The following DDX11 variants were observed in gnomAD, a reference collection of about 807,000 sequenced individuals.
DDX11 encodes DEAD/H-box helicase 11.
DDX11 carries 72 observed loss-of-function variants against 125.2 expected under a neutral mutation model. The observed-to-expected ratio is 0.58, with a 90% confidence interval of 0.48 to 0.70. The LOEUF is 0.70. DDX11 is among the 30% of genes least tolerant of loss of function. The pLI is 0.00. For synonymous variants in DDX11, 347 were observed against 452.6 expected, an observed-to-expected ratio of 0.77 and a Z score of 2.96; for missense variants, 883 against 1,165.0, an observed-to-expected ratio of 0.76 and a Z score of 3.52.
At position 31,089,506 on chromosome 12, in the gene DDX11, A is replaced by G. The variant is rs2075318; in HGVS notation, c.880+16A>G. 0.48 allele frequency: 759,196 copies of G among 1,590,616 alleles called. 187,018 individuals are homozygous for G. Among genetic ancestry groups the G allele is most frequent in the East Asian group, 0.8 (35,658 of 44,562 alleles). On this transcript the variant is annotated intron_variant, in intron 8 of 26. Transcript: ENST00000542838. Reference sequence around the variant, plus strand: ...AGCAGGCACGGTAGCCACTGGGACCATGGTGTAGCCGCAGGTGGTCTGGAG... The same window carrying G: ...AGCAGGCACGGTAGCCACTGGGACCGTGGTGTAGCCGCAGGTGGTCTGGAG...
chr12:31,092,287 C>G (rs1394208751), intron 10 of DDX11, among the ~76,000 whole-genome samples: 1 of 152,028 alleles, frequency 6.6e-6, no homozygotes, highest in South Asian at 2.1e-4. Context: ...ATGCATGGCA[C>G]CAGGTGTCTC....
rs1943452705 is a variant in DDX11 at position 31,087,935 on chromosome 12, C to G, written c.639-3C>G. On this transcript the variant is annotated splice_region_variant and splice_polypyrimidine_tract_variant and intron_variant, in intron 5 of 26. Transcript: ENST00000542838. ...TGTTTTCTGTTCTCTCTCACACACA[C>G]AGAGTGGATGAGGATGAGGATGACC... 6.2e-7 allele frequency: 1 copy of G among 1,609,114 alleles called. No individual in the cohort carries two copies. The highest frequency in any genetic ancestry group is 8.5e-7 in the Non-Finnish European group (1 of 1,178,148).
rs373854588 is a variant in DDX11 at position 31,092,016 on chromosome 12, G to A, written c.1242+145G>A. ...AGTCAAGGCGGTGACCTCATCGGAG[G>A]CTGACCATGGCTTTCCAGTGCATCG... On this transcript the variant is annotated intron_variant, in intron 10 of 26. Transcript: ENST00000542838. 10 of 1,119,856 alleles carry A rather than the reference G, an allele frequency of 8.9e-6. No homozygotes were observed. In the African/African-American group the frequency reaches 1.1e-4, roughly 12 times the overall value. The allele number at this position is 1,119,856 out of a possible 1,614,324, so 69.4% of individuals were successfully genotyped here. A position where few individuals can be genotyped will look rare whatever the true frequency, so the allele number is the denominator to read the frequency against.
intron 23 of DDX11, 144 bp downstream of exon 23, chr12:31,102,671 G>T (rs1200881105): frequency 4.0e-6 from 3 of 744,558 alleles, no homozygotes; most frequent in South Asian, 3.2e-5. Context: ...GGAGGGAGGG[G>T]CTCAGCAGCT....
chr12:31,098,264 A>G lies in DDX11; in HGVS notation c.1875+267A>G, dbSNP rs553380995. 3.9e-5 allele frequency among the ~76,000 whole-genome samples: 6 copies of G among 152,380 alleles called. No homozygotes were observed. The East Asian group carries it at 1.2e-3, about 29-fold the overall frequency. ...CCAGAGAAAGCTGTTCTGTGGTTTC[A>G]AACTCAAGGAAAAAAATCATGATTC... On this transcript the variant is annotated intron_variant, in intron 18 of 26. Coordinates refer to ENST00000542838, the MANE Select transcript of DDX11 (RefSeq NM_030653.4).
At chr12:31,077,859 A>G (rs200220586) in intron 1 of DDX11, 103,829 of 197,376 alleles carry the variant, frequency 0.53, 29,567 homozygotes, top group East Asian at 0.83. Flanking sequence ...AAAAAAAAAA[A>G]AAGATAGGGA....
rs1300639331 is a variant in DDX11 at position 31,099,852 on chromosome 12, C to G, written c.1876-783C>G. 3.9e-5 allele frequency among the ~76,000 whole-genome samples: 6 copies of G among 152,082 alleles called. No homozygotes were observed. The South Asian group carries it at 1.2e-3, about 32-fold the overall frequency. ...CCCTTTCCAGCCCATTCCCCACCCC[C>G]ATAGGGAATCCGTTTTACTAGCTTA... is the stretch of plus-strand genomic sequence containing the variant. On this transcript the variant is annotated intron_variant, in intron 18 of 26. Coordinates refer to ENST00000542838, the MANE Select transcript of DDX11 (RefSeq NM_030653.4).
Position 31,093,720 on chromosome 12 carries a change from C to CAAA in DDX11, c.1369+418_1369+420dup, listed in dbSNP as rs71052461. 5.1e-3 allele frequency: 281 copies of CAAA among 55,078 alleles called. 3 individuals carry two copies. The highest frequency in any genetic ancestry group is 0.017 in the East Asian group (23 of 1,388). 3.4% of individuals were successfully genotyped at this position (55,078 alleles called of 1,614,324 possible). ...TGGGCGACAGAGTGAGAATCAGTCTCAAAAAAAAAAAAAAAAAAAAAAAAG... is the reference window on the plus strand; with the variant it reads ...TGGGCGACAGAGTGAGAATCAGTCTCAAAAAAAAAAAAAAAAAAAAAAAAAAAG... On this transcript the variant is annotated intron_variant, in intron 12 of 26. Coordinates refer to ENST00000542838, the MANE Select transcript of DDX11 (RefSeq NM_030653.4).
At chr12:31,091,984 G>A in intron 10 of DDX11, 113 bp downstream of exon 10, 1 of 1,484,668 alleles carries the variant, frequency 6.7e-7, no homozygotes, top group South Asian at 1.2e-5. Flanking sequence ...TTGATAGAGG[G>A]TGCACGAGTC....
In DDX11 at chr12:31,093,394, C is replaced by G. The variant is rs566281348; in HGVS notation, c.1369+70C>G. 100 of 1,589,228 alleles carry G rather than the reference C, an allele frequency of 6.3e-5. No individual in the cohort carries two copies. In the African/African-American group the frequency reaches 1.3e-3, roughly 20 times the overall value. ...CTGGGCTGCTTTTTCCTTGGATGCC[C>G]ATCAGGACACCTCAGTTCTCTGTGT... On this transcript the variant is annotated intron_variant, in intron 12 of 26. Coordinates refer to ENST00000542838, the MANE Select transcript of DDX11 (RefSeq NM_030653.4).
In DDX11 at chr12:31,102,287, G is replaced by T; in HGVS notation, c.2247G>T (p.Leu749=). The T allele has an allele frequency of 6.2e-7, 1 of 1,614,220 alleles. No individual in the cohort carries two copies. Among genetic ancestry groups the T allele is most frequent in the East Asian group, 2.2e-5 (1 of 44,884 alleles). The part of the protein sequence containing the change: ...PKSAHQVEQV[L]LAYSRCIQAC... ...GCGCACACCAGGTGGAGCAGGTGCT[G>T]CTGGCATATTCCAGGTGCATCCAGG... The change falls in exon 22 of 27, where the codon CTG becomes CTT. Residue 749 remains leucine, a synonymous_variant. Coordinates refer to ENST00000542838, the MANE Select transcript of DDX11 (RefSeq NM_030653.4).
intron 1 of DDX11, among the ~76,000 whole-genome samples, chr12:31,077,619 G>C (rs1481692184): frequency 6.6e-6 from 1 of 152,038 alleles, no homozygotes; most frequent in East Asian, 1.9e-4. Flanking sequence ...AGGCCAAGGC[G>C]GGCGGATCAC....
At chr12:31,097,049 G>A (rs1319559244) in intron 17 of DDX11, 59 bp downstream of exon 17, 3 of 1,606,138 alleles carry the variant, frequency 1.9e-6, no homozygotes, top group Non-Finnish European at 2.5e-6. Flanking sequence ...CTGAGCCCGG[G>A]AGCCGCAGCG....
intron 3 of DDX11, 58 bp downstream of exon 3, chr12:31,084,119 G>A (rs1942567195): frequency 1.1e-5 from 17 of 1,602,522 alleles, no homozygotes; most frequent in Non-Finnish European, 1.4e-5. Context: ...TTCAGCGATT[G>A]TTCTGGGGCG....
rs887204428 is a variant in DDX11 at position 31,075,303 on chromosome 12, C to T, written c.-5+1212C>T. Among the ~76,000 whole-genome samples the T allele has an allele frequency of 3.6e-5, 5 of 139,396 alleles. No individual in the cohort carries two copies. In the East Asian group the frequency reaches 6.9e-4, roughly 19 times the overall value. The allele number at this position is 139,396 out of a possible 152,430, so 91.4% of individuals were successfully genotyped here. A position where few individuals can be genotyped will look rare whatever the true frequency, so the allele number is the denominator to read the frequency against. Reference sequence around the variant, plus strand: ...TGATGGGGAAGTGAAATAATACTTACGTTTCTTCTGTATTGTTTAGTGTTG... The same window carrying T: ...TGATGGGGAAGTGAAATAATACTTATGTTTCTTCTGTATTGTTTAGTGTTG... On this transcript the variant is annotated intron_variant, in intron 1 of 26. Coordinates refer to ENST00000542838, the MANE Select transcript of DDX11 (RefSeq NM_030653.4).
chr12:31,098,023 G>T (rs371132351), intron 18 of DDX11, 26 bp downstream of exon 18: 29 of 1,590,926 alleles, frequency 1.8e-5, no homozygotes, highest in Non-Finnish European at 2.2e-5. Flanking sequence ...CCAGCCCCTC[G>T]TGCCCCAGGT....
intron 12 of DDX11, chr12:31,093,681 A>G (rs1165558367): frequency 3.1e-6 from 1 of 325,636 alleles, no homozygotes; most frequent in African/African-American, 2.3e-5. Context: ...AGATTGTGCC[A>G]CTGCAGTCCA....
intron 18 of DDX11, chr12:31,100,314 T>C (rs1323795073): frequency 6.0e-5 from 16 of 264,776 alleles, no homozygotes; most frequent in Admixed American, 1.5e-4. Context: ...TGGAGATTCT[T>C]ATTCAGTAGT....
chr12:31,078,390 G>A lies in DDX11; in HGVS notation c.-4G>A. ...CTAATGTTGTATTTATTTTTCCTAG[G>A]TCCATGGCTAATGAAACACAGAAGG... On this transcript the variant is annotated splice_region_variant and 5_prime_UTR_variant, in exon 2 of 27. Transcript: ENST00000542838. The A allele has an allele frequency of 2.5e-6, 4 of 1,609,882 alleles. No individual in the cohort carries two copies. Among genetic ancestry groups the A allele is most frequent in the Non-Finnish European group, 3.4e-6 (4 of 1,177,910 alleles).
Sources: allele counts gnomAD v4.1 joint callset (sites outside exome capture counted in the v4.1 genomes callset), GRCh38; gene constraint gnomAD v4.1.1; transcripts MANE v1.5; gene names NCBI Gene and HGNC (gene_info 2026-07-23, HGNC 2026-07-21).